PLXNA2: variants seen among roughly 807,000 people sequenced by gnomAD.
PLXNA2 encodes plexin A2, also known as plexin-A2.
PLXNA2 carries 91 observed loss-of-function variants against 193.5 expected under a neutral mutation model. The ratio of observed to expected loss-of-function variants is 0.47; its 90% CI spans 0.40 to 0.56. PLXNA2 has a LOEUF of 0.56. PLXNA2 is among the 20% of genes least tolerant of loss of function. PLXNA2 has a pLI of 0.00. For missense variants in PLXNA2, 1,995 were observed against 2,503.2 expected, an observed-to-expected ratio of 0.80 and a Z score of 4.33; for synonymous variants, 997 against 1,027.3, an observed-to-expected ratio of 0.97 and a Z score of 0.56.
At chr1:208,136,096 T>C (rs1668292847) in intron 4 of PLXNA2, among the ~76,000 whole-genome samples, 1 of 152,122 alleles carries the variant, frequency 6.6e-6, no homozygotes, top group African/African-American at 2.4e-5. Flanking sequence ...CAGCTTCCAC[T>C]TCCCAGACAT....
Position 208,096,009 on chromosome 1 carries a change from C to A in PLXNA2, c.1982+20G>T. The A allele has an allele frequency of 6.3e-7, 1 of 1,586,376 alleles. No individual in the cohort carries two copies. The highest frequency in any genetic ancestry group is 8.7e-7 in the Non-Finnish European group (1 of 1,154,816). Reference sequence around the variant, plus strand: ...CCCACATCCAGACCCAGAGCAAGACCCTTTCTAATAAGCACTTACAGTTGG... The same window carrying A: ...CCCACATCCAGACCCAGAGCAAGACACTTTCTAATAAGCACTTACAGTTGG... On this transcript the variant is annotated intron_variant, in intron 8 of 31. Transcript: ENST00000367033.
chr1:208,160,315 C>T lies in PLXNA2; in HGVS notation c.1372-17852G>A, dbSNP rs192595318. On this transcript the variant is annotated intron_variant, in intron 3 of 31. Coordinates refer to ENST00000367033, the MANE Select transcript of PLXNA2 (RefSeq NM_025179.4). ...AACTATTTCCCCCTGGGAAGAGTAG[C>T]TGTATAAGGTTCTGGGTTCAAGTTC... 1.4e-4 allele frequency among the ~76,000 whole-genome samples: 22 copies of T among 152,298 alleles called. No individual in the cohort carries two copies. The East Asian group carries it at 4.1e-3, about 28-fold the overall frequency.
chr1:208,063,517 T>C (rs1432353159), intron 12 of PLXNA2, among the ~76,000 whole-genome samples: 1 of 152,126 alleles, frequency 6.6e-6, no homozygotes, highest in Non-Finnish European at 1.5e-5. Flanking sequence ...GTGAGATGGG[T>C]AGTTCCAGCT....
At chr1:208,060,120 A>G (rs1571872469) in intron 13 of PLXNA2, among the ~76,000 whole-genome samples, 1 of 152,068 alleles carries the variant, frequency 6.6e-6, no homozygotes, top group Non-Finnish European at 1.5e-5. Context: ...CCTCCTGCCC[A>G]CCAACTCCAC....
intron 5 of PLXNA2, among the ~76,000 whole-genome samples, chr1:208,102,855 C>T (rs1667140187): frequency 6.6e-6 from 1 of 152,302 alleles, no homozygotes; most frequent in South Asian, 2.1e-4. Context: ...ACTACAGTAT[C>T]CCTTGTGAGT....
At chr1:208,166,393 A>T (rs12743454) in intron 3 of PLXNA2, among the ~76,000 whole-genome samples, 2 of 152,154 alleles carry the variant, frequency 1.3e-5, no homozygotes, top group Non-Finnish European at 2.9e-5. Context: ...CCCAAAAGAC[A>T]AAAAGACATG....
intron 12 of PLXNA2, among the ~76,000 whole-genome samples, chr1:208,063,743 T>A (rs959217394): frequency 6.6e-6 from 1 of 152,158 alleles, no homozygotes; most frequent in African/African-American, 2.4e-5. Flanking sequence ...GAGACACAGC[T>A]TATAGCTTCC....
chr1:208,052,216 A>C, intron 15 of PLXNA2, 111 bp downstream of exon 15: 1 of 1,110,044 alleles, frequency 9.0e-7, no homozygotes, highest in Middle Eastern at 3.0e-4. Flanking sequence ...TAGGTGTAGC[A>C]AATAACATGG....
intron 12 of PLXNA2, 151 bp from the exon 13 acceptor site, chr1:208,060,988 C>T (rs1390997287): frequency 1.6e-6 from 1 of 619,078 alleles, no homozygotes; most frequent in Non-Finnish European, 2.8e-6. Flanking sequence ...GTTTTGTCCA[C>T]TTTTTAGCTT....
Position 208,052,449 on chromosome 1 carries a change from C to G in PLXNA2, c.2871G>C (p.Leu957=), listed in dbSNP as rs781206432. Residue 957 remains leucine, a synonymous_variant, in exon 15 of 32, where the codon CTG becomes CTC. Transcript: ENST00000367033. ...CGGGACCTCGGATTGGGTTGAGTGA[C>G]AGCACAGAAGGGTTCTTTGGAAAGA... The part of the protein sequence containing the change: ...QQYTFVNPSV[L]SLNPIRGPES... The G allele has an allele frequency of 1.2e-6, 2 of 1,614,088 alleles. No individual in the cohort carries two copies. Among genetic ancestry groups the G allele is most frequent in the Non-Finnish European group, 1.7e-6 (2 of 1,179,996 alleles).
At chr1:208,049,610 CGAA>C (rs1476141814) in intron 17 of PLXNA2, among the ~76,000 whole-genome samples, 1 of 152,216 alleles carries the variant, frequency 6.6e-6, no homozygotes, top group Non-Finnish European at 1.5e-5. Context: ...GGCCTAGTTA[CGAA>C]GAGTCTGGAT....
rs765699363 is a variant in PLXNA2 at position 208,045,103 on chromosome 1, G to A, written c.3603C>T (p.Cys1201=). ...AVTVSETQLL[C]EPPNLTGQHK... ...GCTGCCCGGTGAGGTTGGGAGGCTC[G>A]CAGAGAAGCTGGGTCTCAGATACGG... Residue 1201 remains cysteine (C), a synonymous_variant, in exon 19 of 32, where the codon TGC becomes TGT. Coordinates refer to ENST00000367033, the MANE Select transcript of PLXNA2 (RefSeq NM_025179.4). 1.4e-5 allele frequency: 23 copies of A among 1,613,996 alleles called. No individual in the cohort carries two copies. The highest frequency in any genetic ancestry group is 3.3e-5 in the Admixed American group (2 of 59,994).
intron 3 of PLXNA2, among the ~76,000 whole-genome samples, chr1:208,164,517 A>G (rs2102519730): frequency 6.6e-6 from 1 of 152,314 alleles, no homozygotes; most frequent in East Asian, 1.9e-4. Flanking sequence ...TCTAAGAAAT[A>G]CTTTCTTTCC....
In PLXNA2 at chr1:208,053,087, G is replaced by T. The variant is rs188961314; in HGVS notation, c.2857-624C>A. Among the ~76,000 whole-genome samples the T allele has an allele frequency of 2.3e-3, 354 of 152,332 alleles. 3 individuals carry two copies. The highest frequency in any genetic ancestry group is 1.5e-3 in the Non-Finnish European group (99 of 68,030). ...GTAAAATTCAGCCTGAAGCTTAAAA[G>T]AATTGCTTAACCTAAAATGCATCAG... On this transcript the variant is annotated intron_variant, in intron 14 of 31. Transcript: ENST00000367033.
intron 12 of PLXNA2, among the ~76,000 whole-genome samples, chr1:208,065,999 C>A (rs1265713091): frequency 6.6e-6 from 1 of 152,084 alleles, no homozygotes; most frequent in Admixed American, 6.6e-5. Context: ...ATGAGACACC[C>A]ACACAAACAA....
chr1:208,041,189 C>T (rs1302506637), intron 22 of PLXNA2, among the ~76,000 whole-genome samples: 1 of 152,206 alleles, frequency 6.6e-6, no homozygotes, highest in African/African-American at 2.4e-5. Flanking sequence ...GGGCTCAGTA[C>T]TCATAAAGCA....
At chr1:208,179,940 C>T (rs1381152684) in intron 3 of PLXNA2, among the ~76,000 whole-genome samples, 1 of 152,134 alleles carries the variant, frequency 6.6e-6, no homozygotes, top group African/African-American at 2.4e-5. Context: ...AATACTTCCC[C>T]AAATGCTACA....
At chr1:208,215,473 T>C (rs140551177) in intron 2 of PLXNA2, among the ~76,000 whole-genome samples, 7 of 151,756 alleles carry the variant, frequency 4.6e-5, no homozygotes, top group Non-Finnish European at 8.8e-5. Context: ...GATGGATAGA[T>C]AAAGATATGG....
At chr1:208,165,800 G>A (rs1669283502) in intron 3 of PLXNA2, among the ~76,000 whole-genome samples, 1 of 152,164 alleles carries the variant, frequency 6.6e-6, no homozygotes. Flanking sequence ...AGCCTCCGGT[G>A]ACTTCATCCT....
Sources: gnomAD v4.1 joint callset for allele counts (sites outside exome capture counted in the v4.1 genomes callset) on GRCh38, gnomAD v4.1.1 for gene constraint, MANE v1.5 for transcripts, NCBI Gene and HGNC (gene_info 2026-07-23, HGNC 2026-07-21) for gene names.